The following ETV4 variants were observed in gnomAD, a reference collection of about 807,000 sequenced individuals.
ETV4 encodes ETS translocation variant 4.
A neutral mutation model predicts 65.9 loss-of-function variants in ETV4; 42 were observed. That is an observed-to-expected ratio of 0.64 (90% CI 0.50 to 0.82). The LOEUF is 0.82. Ranked by LOEUF, ETV4 falls within the 40% of genes least tolerant of loss-of-function variation. The probability of loss-of-function intolerance (pLI) is 0.00; values close to 1 mark genes in which losing one functional copy is unlikely to be tolerated. For synonymous variants in ETV4, 238 were observed against 260.0 expected, an observed-to-expected ratio of 0.92 and a Z score of 0.81; for missense variants, 583 against 630.3, an observed-to-expected ratio of 0.92 and a Z score of 0.80.
Position 43,532,746 on chromosome 17 carries a change from C to G in ETV4, c.739G>C (p.Val247Leu), listed in dbSNP as rs201571041. 4 of 1,613,928 alleles carry G rather than the reference C, an allele frequency of 2.5e-6. No individual in the cohort carries two copies. The African/African-American group carries it at 5.3e-5, about 22-fold the overall frequency. ...AGQPAVDQGG[V>L]NGHRYPGAGV... ...GCCCCTGGGTACCTGTGCCCATTGA[C>G]CCCACCCTGGTCCACGGCTGGCTGG... Residue 247 changes from valine to leucine, a missense_variant, in exon 8 of 13, where the codon GTC becomes CTC. Transcript: ENST00000319349.
intron 8 of ETV4, among the ~76,000 whole-genome samples, chr17:43,531,036 C>G (rs1970904389): frequency 6.6e-6 from 1 of 152,154 alleles, no homozygotes; most frequent in Non-Finnish European, 1.5e-5. Flanking sequence ...GGCAAGAGTG[C>G]CTCCCTCCTC....
In ETV4 at chr17:43,528,022, G is replaced by A. The variant is rs956560024; in HGVS notation, c.*497C>T. ...TCCCAGGTTCCTTTCTTCAACCTCC[G>A]CCTGCCTCTGGGAACACAGAGCACC... is the stretch of plus-strand genomic sequence containing the variant. On this transcript the variant is annotated 3_prime_UTR_variant, in exon 13 of 13. Transcript: ENST00000319349. The A allele has an allele frequency of 7.7e-5, 18 of 234,074 alleles. No homozygotes were observed. Among genetic ancestry groups the A allele is most frequent in the South Asian group, 1.8e-4 (1 of 5,532 alleles). The allele number at this position is 234,074 out of a possible 1,614,324, so 14.5% of individuals were successfully genotyped here. A position where few individuals can be genotyped will look rare whatever the true frequency, so the allele number is the denominator to read the frequency against.
At chr17:43,533,041 G>C in intron 7 of ETV4, 102 bp from the exon 8 acceptor site, 1 of 1,495,956 alleles carries the variant, frequency 6.7e-7, no homozygotes, top group South Asian at 1.3e-5. Flanking sequence ...GGAATGGGGG[G>C]TAGGGGGTTG....
intron 2 of ETV4, 42 bp downstream of exon 2, chr17:43,545,516 G>A: frequency 6.6e-7 from 1 of 1,526,438 alleles, no homozygotes; most frequent in Non-Finnish European, 8.9e-7. Flanking sequence ...GTAGGGGCTG[G>A]GTGCGGGGCG....
intron 8 of ETV4, among the ~76,000 whole-genome samples, chr17:43,532,283 G>C (rs1196814121): frequency 2.0e-5 from 3 of 152,206 alleles, no homozygotes; most frequent in Non-Finnish European, 4.4e-5. Context: ...TGGATCATAT[G>C]AAGTCAGGAG....
chr17:43,545,719 G>A, intron 1 of ETV4, 51 bp from the exon 2 acceptor site: 1 of 977,484 alleles, frequency 1.0e-6, no homozygotes, highest in South Asian at 1.4e-5. Flanking sequence ...GGGCTGCGAT[G>A]GGGGCGGGGA....
In ETV4 at chr17:43,529,606, C is replaced by A; in HGVS notation, c.1026G>T (p.Gln342His). The A allele has an allele frequency of 6.2e-7, 1 of 1,614,144 alleles. No homozygotes were observed. Among genetic ancestry groups the A allele is most frequent in the Non-Finnish European group, 8.5e-7 (1 of 1,180,034 alleles). ...GCAAGGCCACCAGAAATTGCCACAG[C>A]TGCAGGGCACCCCGGCGCTGGTAGG... ...GPPYQRRGALQLWQFLVALLD... is the reference protein window; with the variant it reads ...GPPYQRRGALHLWQFLVALLD... The change falls in exon 11 of 13, where the codon CAG (glutamine) becomes CAT (histidine). Residue 342 changes from glutamine to histidine, a missense_variant. Transcript: ENST00000319349.
chr17:43,545,864 C>A, intron 1 of ETV4, 196 bp from the exon 2 acceptor site: 1 of 593,836 alleles, frequency 1.7e-6, no homozygotes, highest in Non-Finnish European at 3.0e-6. Flanking sequence ...GTCCCACCTG[C>A]TCCCAGGAGC....
At chr17:43,545,473 G>C in intron 2 of ETV4, 85 bp downstream of exon 2, 1 of 1,459,052 alleles carries the variant, frequency 6.9e-7, no homozygotes. Context: ...CCAGGACTCC[G>C]CTGGGACTGC....
Position 43,543,296 on chromosome 17 carries a change from T to TCTCTCA in ETV4, c.202+1678_202+1679insTGAGAG, listed in dbSNP as rs888736657. On this transcript the variant is annotated intron_variant, in intron 4 of 12. Coordinates refer to ENST00000319349, the MANE Select transcript of ETV4 (RefSeq NM_001079675.5). ...CACACACTCTCTCTCTCTCTCTCTC[T>TCTCTCA]CACACACACACTTGCTGTCACACCG... Among the ~76,000 whole-genome samples the TCTCTCA allele has an allele frequency of 1.3e-4, 18 of 143,408 alleles. 1 individual carries two copies. The South Asian group carries it at 1.4e-3, about 11-fold the overall frequency. The allele number at this position is 143,408 out of a possible 152,430, so 94.1% of individuals were successfully genotyped here.
chr17:43,543,726 T>G (rs1391374436), intron 4 of ETV4, among the ~76,000 whole-genome samples: 1 of 152,202 alleles, frequency 6.6e-6, no homozygotes. Flanking sequence ...TCGGGGATGA[T>G]GCACACAATA....
At chr17:43,531,249 C>T (rs1241997901) in intron 8 of ETV4, among the ~76,000 whole-genome samples, 2 of 152,212 alleles carry the variant, frequency 1.3e-5, no homozygotes, top group Non-Finnish European at 2.9e-5. Context: ...TCTAGGGCTA[C>T]TAATGTAACA....
intron 4 of ETV4, among the ~76,000 whole-genome samples, chr17:43,537,178 C>T (rs982352638): frequency 2.6e-5 from 4 of 152,078 alleles, no homozygotes; most frequent in Non-Finnish European, 5.9e-5. Context: ...CCAGCCTGGC[C>T]AACATGACGA....
intron 1 of ETV4, 65 bp from the exon 2 acceptor site, chr17:43,545,733 G>A (rs1598225709): frequency 2.3e-6 from 2 of 851,368 alleles, no homozygotes; most frequent in South Asian, 3.0e-5. Context: ...GCGGGGAGGG[G>A]GCAGTCCCAA....
chr17:43,532,936 G>C lies in ETV4; in HGVS notation c.549C>G (p.Ser183=). Residue 183 remains serine (S), a synonymous_variant, in exon 8 of 13, where the codon TCC becomes TCG. Transcript: ENST00000319349. The part of the protein sequence containing the change: ...PGHGYLGEHS[S]VFQQPLDICH... Reference sequence around the variant, plus strand: ...AAATGTCCAGGGGCTGCTGGAAGACGGAGCTGGATGTGGTTGGATGGAGAA... The same window carrying C: ...AAATGTCCAGGGGCTGCTGGAAGACCGAGCTGGATGTGGTTGGATGGAGAA... 6.4e-7 allele frequency: 1 copy of C among 1,562,856 alleles called. No homozygotes were observed. The highest frequency in any genetic ancestry group is 1.2e-5 in the South Asian group (1 of 83,504).
intron 4 of ETV4, among the ~76,000 whole-genome samples, chr17:43,542,020 G>C (rs1971548955): frequency 6.6e-6 from 1 of 152,164 alleles, no homozygotes; most frequent in South Asian, 2.1e-4. Context: ...AGACAGCACA[G>C]GGTGAAATGT....
Position 43,528,564 on chromosome 17 carries a change from A to T in ETV4, c.1410T>A (p.Ala470=). 6.2e-7 allele frequency: 1 copy of T among 1,613,686 alleles called. No homozygotes were observed. Residue 470 remains alanine, a synonymous_variant, in exon 13 of 13, where the codon GCT becomes GCA. Transcript: ENST00000319349. ...DESPAYLPEL[A]GPAQPFGPKG... is the part of the protein sequence containing the mutation. ...TGGGGCCAAATGGCTGGGCGGGGCCAGCCAGCTCTGGGAGGTAGGCGGGGC... is the reference window on the plus strand; with the variant it reads ...TGGGGCCAAATGGCTGGGCGGGGCCTGCCAGCTCTGGGAGGTAGGCGGGGC...
intron 12 of ETV4, 144 bp downstream of exon 12, chr17:43,528,991 A>T: frequency 2.3e-6 from 2 of 853,512 alleles, no homozygotes; most frequent in South Asian, 3.1e-5. Context: ...GAACCTTGGG[A>T]TTCTCCACAA....
intron 4 of ETV4, 40 bp from the exon 5 acceptor site, chr17:43,536,519 T>C: frequency 6.3e-7 from 1 of 1,598,724 alleles, no homozygotes; most frequent in Non-Finnish European, 8.6e-7. Context: ...GGCGGAGCCC[T>C]GGTTGTCCCC....
Sources: gnomAD v4.1 joint callset for allele counts (sites outside exome capture counted in the v4.1 genomes callset) on GRCh38, gnomAD v4.1.1 for gene constraint, MANE v1.5 for transcripts, NCBI Gene and HGNC (gene_info 2026-07-23, HGNC 2026-07-21) for gene names.